The following NTRK2 variants were observed in gnomAD, a reference collection of about 807,000 sequenced individuals.
NTRK2 encodes BDNF/NT-3 growth factors receptor.
In NTRK2, 13 loss-of-function variants were observed where a neutral mutation model predicts 94.5. That is an observed-to-expected ratio of 0.14 (90% CI 0.09 to 0.22). The LOEUF (loss-of-function observed/expected upper bound fraction) is 0.22, where lower values mean the gene tolerates loss of function less well. Ranked by LOEUF, NTRK2 falls within the 10% of genes least tolerant of loss-of-function variation. The probability of loss-of-function intolerance (pLI) is 1.00; values close to 1 mark genes in which losing one functional copy is unlikely to be tolerated. For synonymous variants in NTRK2, 372 were observed against 407.4 expected (o/e 0.91, Z 1.05); for missense variants, 639 against 1,071.2 (o/e 0.60, Z 5.63).
intron 12 of NTRK2, among the ~76,000 whole-genome samples, chr9:84,759,242 CT>C (rs905868837): frequency 1.3e-5 from 2 of 152,224 alleles, no homozygotes; most frequent in African/African-American, 4.8e-5. Context: ...TGAGGATCTA[CT>C]TTTTAAAGTC....
chr9:84,789,926 C>A (rs982188686), intron 12 of NTRK2, among the ~76,000 whole-genome samples: 4 of 152,190 alleles, frequency 2.6e-5, no homozygotes, highest in Non-Finnish European at 5.9e-5. Flanking sequence ...ACATTCTATT[C>A]CTCCTGGGCA....
At chr9:85,008,252 T>G (rs1285883486) in intron 17 of NTRK2, among the ~76,000 whole-genome samples, 1 of 152,090 alleles carries the variant, frequency 6.6e-6, no homozygotes, top group Non-Finnish European at 1.5e-5. Context: ...GCATTGATTC[T>G]GTCTTGCATT....
chr9:84,691,580 C>G (rs1182714988), intron 2 of NTRK2, among the ~76,000 whole-genome samples: 2 of 152,138 alleles, frequency 1.3e-5, no homozygotes, highest in African/African-American at 2.4e-5. Context: ...GGCTGACATC[C>G]TTTTATAAAG....
rs35481612 is a variant in NTRK2 at position 84,809,882 on chromosome 9, GAA to G, written c.1397-51139_1397-51138del. On this transcript the variant is annotated intron_variant, in intron 12 of 18. Transcript: ENST00000277120. Reference sequence around the variant, plus strand: ...GGGCAACAGAGCAATACTCTGTCTGGAAAAAAAAAAAAAAAAAAAAGAAAGAA... The same window carrying G: ...GGGCAACAGAGCAATACTCTGTCTGGAAAAAAAAAAAAAAAAAAGAAAGAA... Among the ~76,000 whole-genome samples the G allele has an allele frequency of 7.5e-4, 89 of 118,742 alleles. 1 individual carries two copies. In the East Asian group the frequency reaches 0.012, roughly 16 times the overall value. The allele number at this position is 118,742 out of a possible 152,430, so 77.9% of individuals were successfully genotyped here.
chr9:84,908,854 T>C (rs1293583518), intron 14 of NTRK2, among the ~76,000 whole-genome samples: 1 of 152,188 alleles, frequency 6.6e-6, no homozygotes, highest in African/African-American at 2.4e-5. Context: ...TCTTACAATT[T>C]TTAATTAAAC....
chr9:84,984,620 G>T (rs1226015745), intron 17 of NTRK2, among the ~76,000 whole-genome samples: 1 of 152,190 alleles, frequency 6.6e-6, no homozygotes, highest in Non-Finnish European at 1.5e-5. Flanking sequence ...TGGCTGGCCT[G>T]GGGACCACAG....
intron 14 of NTRK2, among the ~76,000 whole-genome samples, chr9:84,904,668 A>G (rs938028923): frequency 6.6e-6 from 1 of 152,214 alleles, no homozygotes; most frequent in Non-Finnish European, 1.5e-5. Context: ...GTCATATTAC[A>G]TATGCTTGTT....
intron 17 of NTRK2, among the ~76,000 whole-genome samples, chr9:84,998,358 C>T (rs1829995542): frequency 6.6e-6 from 1 of 152,284 alleles, no homozygotes; most frequent in African/African-American, 2.4e-5. Context: ...AGCTTTGCCC[C>T]TGGGCCAGTC....
intron 15 of NTRK2, among the ~76,000 whole-genome samples, chr9:84,947,022 C>G (rs2078620545): frequency 1.3e-5 from 2 of 152,168 alleles, no homozygotes; most frequent in African/African-American, 4.8e-5. Flanking sequence ...GTGGCATGAT[C>G]TTGGCTCCCT....
chr9:84,934,640 T>G (rs562636125), intron 15 of NTRK2, among the ~76,000 whole-genome samples: 1 of 152,286 alleles, frequency 6.6e-6, no homozygotes, highest in African/African-American at 2.4e-5. Context: ...CCTCAAATTG[T>G]TAGGTGCTTG....
Position 84,955,302 on chromosome 9 carries a change from G to C in NTRK2, c.1957G>C (p.Val653Leu), listed in dbSNP as rs200114699. 1 of 1,606,356 alleles carries C rather than the reference G, an allele frequency of 6.2e-7. No homozygotes were observed. Among genetic ancestry groups the C allele is most frequent in the South Asian group, 1.1e-5 (1 of 89,834 alleles). Reference protein sequence around the residue: ...KFLRAHGPDAVLMAEGNPPTE... With the variant: ...KFLRAHGPDALLMAEGNPPTE... ...CCCCAGGGCACACGGCCCTGATGCCGTGCTGATGGCTGAGGGCAACCCGCC... is the reference window on the plus strand; with the variant it reads ...CCCCAGGGCACACGGCCCTGATGCCCTGCTGATGGCTGAGGGCAACCCGCC... Residue 653 changes from valine to leucine, a missense_variant, in exon 17 of 19, where the codon GTG (valine) becomes CTG (leucine). Val to Leu is a conservative substitution (Grantham distance 32, BLOSUM62 1). Transcript: ENST00000277120.
At chr9:84,889,406 A>T (rs2076531198) in intron 14 of NTRK2, among the ~76,000 whole-genome samples, 1 of 152,142 alleles carries the variant, frequency 6.6e-6, no homozygotes, top group African/African-American at 2.4e-5. Context: ...TTTGTATTTT[A>T]TTTTTTATTT....
chr9:84,754,762 T>C (rs971088876), intron 12 of NTRK2, among the ~76,000 whole-genome samples: 2 of 152,140 alleles, frequency 1.3e-5, no homozygotes, highest in Admixed American at 6.6e-5. Flanking sequence ...TAAGCATCTT[T>C]GGGGAGGGTC....
At chr9:84,911,926 T>C (rs2077247324) in intron 14 of NTRK2, among the ~76,000 whole-genome samples, 2 of 152,266 alleles carry the variant, frequency 1.3e-5, no homozygotes, top group South Asian at 4.1e-4. Context: ...GCTTTATCTA[T>C]GTCCCCCAAA....
At chr9:84,690,041 G>A (rs2059952927) in intron 2 of NTRK2, among the ~76,000 whole-genome samples, 1 of 152,126 alleles carries the variant, frequency 6.6e-6, no homozygotes, top group South Asian at 2.1e-4. Flanking sequence ...CATCTTTGAA[G>A]TTTAACTCCA....
chr9:84,953,532 G>T (rs144770320), intron 16 of NTRK2, among the ~76,000 whole-genome samples: 2 of 152,332 alleles, frequency 1.3e-5, no homozygotes, highest in African/African-American at 4.8e-5. Flanking sequence ...CCACTGTGCC[G>T]CTTCTTACCT....
chr9:84,731,560 T>G (rs2132143757), intron 9 of NTRK2, among the ~76,000 whole-genome samples: 1 of 152,266 alleles, frequency 6.6e-6, no homozygotes, highest in South Asian at 2.1e-4. Context: ...GAAGCATAAA[T>G]AAACCAAAAG....
chr9:84,865,274 T>C (rs56659085), intron 13 of NTRK2, among the ~76,000 whole-genome samples: 5,266 of 152,262 alleles, frequency 0.035, 313 homozygotes, highest in African/African-American at 0.12. Flanking sequence ...GTGTGAGGAC[T>C]TGTTTGCAGA....
chr9:84,825,812 C>G (rs2073149780), intron 12 of NTRK2, among the ~76,000 whole-genome samples: 1 of 152,216 alleles, frequency 6.6e-6, no homozygotes, highest in African/African-American at 2.4e-5. Flanking sequence ...CTGCATTAAA[C>G]TGGATTGCTC....
Sources: allele counts gnomAD v4.1 joint callset (sites outside exome capture counted in the v4.1 genomes callset), GRCh38; gene constraint gnomAD v4.1.1; transcripts MANE v1.5; gene names NCBI Gene and HGNC (gene_info 2026-07-23, HGNC 2026-07-21).